Variants in STK24 observed in about 807,000 individuals in gnomAD.
STK24 encodes the protein serine/threonine kinase 24.
Under a neutral mutation model 55.6 loss-of-function variants are expected in STK24, and 21 were observed. That is an observed-to-expected ratio of 0.38 (90% CI 0.27 to 0.54). The LOEUF (loss-of-function observed/expected upper bound fraction) is 0.54. STK24 is among the 20% of genes least tolerant of loss of function. The probability of loss-of-function intolerance (pLI) is 0.79; values close to 1 mark genes in which losing one functional copy is unlikely to be tolerated. For synonymous variants in STK24, 200 were observed against 215.2 expected (o/e 0.93, Z 0.62); for missense variants, 383 against 538.4 (o/e 0.71, Z 2.86).
At chr13:98,499,951 A>G (rs184535109) in intron 2 of STK24, among the ~76,000 whole-genome samples, 3 of 152,312 alleles carry the variant, frequency 2.0e-5, no homozygotes, top group Non-Finnish European at 1.5e-5. Context: ...TAATCCCCTC[A>G]ATCTCTCAAT....
intron 1 of STK24, among the ~76,000 whole-genome samples, chr13:98,557,156 G>T (rs1897306056): frequency 6.6e-6 from 1 of 152,248 alleles, no homozygotes; most frequent in East Asian, 1.9e-4. Flanking sequence ...TGAAACACAG[G>T]CTACTCCCTC....
intron 7 of STK24, among the ~76,000 whole-genome samples, chr13:98,462,210 T>G (rs560870116): frequency 2.0e-5 from 3 of 152,152 alleles, no homozygotes; most frequent in South Asian, 4.1e-4. Context: ...GGACATCAGC[T>G]TCTCTCTGCT....
At chr13:98,482,137 G>C in intron 3 of STK24, 128 bp downstream of exon 3, 1 of 480,496 alleles carries the variant, frequency 2.1e-6, no homozygotes, top group Non-Finnish European at 3.7e-6. Context: ...GTAAGGAATA[G>C]TTTGGTTCCT....
intron 2 of STK24, among the ~76,000 whole-genome samples, chr13:98,506,533 C>T (rs556999766): frequency 4.6e-5 from 7 of 152,278 alleles, no homozygotes; most frequent in Admixed American, 6.5e-5. Flanking sequence ...ACTGCCCTGC[C>T]GAGCTCACAG....
intron 1 of STK24, among the ~76,000 whole-genome samples, chr13:98,574,605 T>C (rs1209633340): frequency 6.6e-6 from 1 of 152,230 alleles, no homozygotes; most frequent in East Asian, 1.9e-4. Context: ...AGTCTGTAGA[T>C]GTACTTAGGT....
chr13:98,503,543 G>T (rs1465744445), intron 2 of STK24, among the ~76,000 whole-genome samples: 1 of 152,204 alleles, frequency 6.6e-6, no homozygotes, highest in Non-Finnish European at 1.5e-5. Context: ...AAGGGCAAGG[G>T]CAAGGACTGC....
At chr13:98,569,865 A>C (rs111230276) in intron 1 of STK24, among the ~76,000 whole-genome samples, 3 of 148,424 alleles carry the variant, frequency 2.0e-5, no homozygotes, top group Non-Finnish European at 4.5e-5. Context: ...AAAAAAAAAA[A>C]CACAGGCAGA....
chr13:98,530,980 A>G (rs1319824115), intron 1 of STK24, among the ~76,000 whole-genome samples: 1 of 152,234 alleles, frequency 6.6e-6, no homozygotes, highest in Non-Finnish European at 1.5e-5. Flanking sequence ...GATTTTTAGT[A>G]TGGCTGAACT....
chr13:98,474,959 A>C lies in STK24; in HGVS notation c.459T>G (p.Ser153=). The change falls in exon 5 of 11, where the codon TCT becomes TCG. Residue 153 remains serine, a synonymous_variant. Coordinates refer to ENST00000539966, the MANE Select transcript of STK24 (RefSeq NM_001032296.4). ...CCGCCAGCTTCACCTCGCCATGCTC[A>C]GACAGCAGGACGTTGGCCGCTGCAA... ...RDIKAANVLL[S]EHGEVKLADF... is the part of the protein sequence containing the mutation. The C allele has an allele frequency of 6.2e-7, 1 of 1,613,368 alleles. No individual in the cohort carries two copies. The highest frequency in any genetic ancestry group is 8.5e-7 in the Non-Finnish European group (1 of 1,179,634).
intron 1 of STK24, among the ~76,000 whole-genome samples, chr13:98,524,439 C>G (rs1896361902): frequency 6.6e-6 from 1 of 152,176 alleles, no homozygotes; most frequent in African/African-American, 2.4e-5. Context: ...TGGAAGAGAG[C>G]ACGGCACCGG....
At position 98,497,567 on chromosome 13, in the gene STK24, A is replaced by G. The variant is rs79561680; in HGVS notation, c.274-15246T>C. ...CACTGCTTACCTCAAATGACCTGTCATGCTCTTTGAGGAATTCAAGAGCTC... is the reference window on the plus strand; with the variant it reads ...CACTGCTTACCTCAAATGACCTGTCGTGCTCTTTGAGGAATTCAAGAGCTC... On this transcript the variant is annotated intron_variant, in intron 2 of 10. Coordinates refer to ENST00000539966, the MANE Select transcript of STK24 (RefSeq NM_001032296.4). Among the ~76,000 whole-genome samples, 1,437 of 152,312 alleles carry G rather than the reference A, an allele frequency of 9.4e-3. 23 individuals are homozygous for G. The highest frequency in any genetic ancestry group is 0.032 in the African/African-American group (1,314 of 41,570).
intron 2 of STK24, among the ~76,000 whole-genome samples, chr13:98,499,366 C>T (rs777949509): frequency 6.6e-6 from 1 of 152,164 alleles, no homozygotes; most frequent in African/African-American, 2.4e-5. Flanking sequence ...TCAGGTCAGT[C>T]GGGTGGGGAT....
At chr13:98,549,763 A>G (rs993438162) in intron 1 of STK24, among the ~76,000 whole-genome samples, 2 of 152,230 alleles carry the variant, frequency 1.3e-5, no homozygotes, top group African/African-American at 4.8e-5. Flanking sequence ...GCTTTATAGC[A>G]ACAGAAGAAC....
intron 1 of STK24, among the ~76,000 whole-genome samples, chr13:98,573,611 A>G (rs1279791176): frequency 1.3e-5 from 2 of 152,252 alleles, no homozygotes; most frequent in Non-Finnish European, 2.9e-5. Flanking sequence ...GACCTGGCAC[A>G]TGAAAGTTCA....
intron 2 of STK24, among the ~76,000 whole-genome samples, chr13:98,503,733 T>C (rs1244223544): frequency 6.6e-6 from 1 of 152,194 alleles, no homozygotes; most frequent in African/African-American, 2.4e-5. Flanking sequence ...ATAAAGATAA[T>C]CTTAAAGGGT....
Position 98,447,005 on chromosome 13 carries a change from A to C in STK24, c.*6168T>G. ...TCTCATGGCAGAAAGTGGGGTCCCA[A>C]CTTCCCTGCGCCCTTACCCTGCACG... On this transcript the variant is annotated 3_prime_UTR_variant, in exon 11 of 11. Transcript: ENST00000539966. The C allele has an allele frequency of 1.7e-6, 1 of 605,972 alleles. No individual in the cohort carries two copies. The highest frequency in any genetic ancestry group is 2.0e-5 in the South Asian group (1 of 50,834). 37.5% of individuals were successfully genotyped at this position (605,972 alleles called of 1,614,324 possible).
intron 10 of STK24, chr13:98,454,565 G>A (rs765457186): frequency 5.9e-5 from 9 of 152,194 alleles, no homozygotes; most frequent in Non-Finnish European, 1.0e-4. Context: ...ACTAAATCAC[G>A]GGATGAGTTG....
chr13:98,555,969 A>T (rs1176656133), intron 1 of STK24, among the ~76,000 whole-genome samples: 1 of 151,290 alleles, frequency 6.6e-6, no homozygotes, highest in Non-Finnish European at 1.5e-5. Context: ...GGCGTGAGCC[A>T]CCGTGCGGGC....
At chr13:98,573,574 A>C (rs1897796803) in intron 1 of STK24, among the ~76,000 whole-genome samples, 1 of 152,234 alleles carries the variant, frequency 6.6e-6, no homozygotes, top group Non-Finnish European at 1.5e-5. Flanking sequence ...CCTCATTCAG[A>C]TCTACCACTT....
Sources: gnomAD v4.1 joint callset for allele counts (sites outside exome capture counted in the v4.1 genomes callset) on GRCh38, gnomAD v4.1.1 for gene constraint, MANE v1.5 for transcripts, NCBI Gene and HGNC (gene_info 2026-07-23, HGNC 2026-07-21) for gene names.